Variants in RHBDD1 observed in about 807,000 individuals in gnomAD.
RHBDD1 encodes rhomboid-related protein 4.
A neutral mutation model predicts 36.3 loss-of-function variants in RHBDD1; 38 were observed. The observed-to-expected ratio is 1.05, with a 90% CI of 0.81 to 1.37. The LOEUF (loss-of-function observed/expected upper bound fraction) is 1.37, where lower values mean the gene tolerates loss of function less well. Ranked by LOEUF, RHBDD1 falls within the 40% of genes most tolerant of loss-of-function variation. The pLI is 0.00. For synonymous variants in RHBDD1, 151 were observed against 136.5 expected (o/e 1.11, Z -0.74); for missense variants, 393 against 377.6 (o/e 1.04, Z -0.34).
chr2:226,959,544 A>G (rs978820367), intron 8 of RHBDD1, among the ~76,000 whole-genome samples: 1 of 152,216 alleles, frequency 6.6e-6, no homozygotes, highest in African/African-American at 2.4e-5. Context: ...TTTACTCAGC[A>G]TAGCTACTTT....
At chr2:226,809,843 A>G in the RHBDD1 span, among the ~76,000 whole-genome samples, 1 of 152,220 alleles carries the variant, frequency 6.6e-6, no homozygotes, top group African/African-American at 2.4e-5. Context: ...ATGTAAGGTA[A>G]TTTACTGCAA....
At chr2:226,941,641 T>C (rs901766491) in intron 8 of RHBDD1, among the ~76,000 whole-genome samples, 1 of 152,228 alleles carries the variant, frequency 6.6e-6, no homozygotes, top group Non-Finnish European at 1.5e-5. Context: ...TTCTGGTCTT[T>C]TAGATGTTGT....
At position 226,944,557 on chromosome 2, in the gene RHBDD1, G is replaced by C. The variant is rs143790840; in HGVS notation, c.856+30206G>C. ...CTTTCTCTGCTGTTTGCAGTTACAC[G>C]AATAGACAACTACTTAACACTTAAA... On this transcript the variant is annotated intron_variant, in intron 8 of 8. Transcript: ENST00000392062. Among the ~76,000 whole-genome samples, 8 of 152,082 alleles carry C rather than the reference G, an allele frequency of 5.3e-5. No individual in the cohort carries two copies. The East Asian group carries it at 1.5e-3, about 29-fold the overall frequency.
At chr2:226,954,559 G>T (rs895077980) in intron 8 of RHBDD1, among the ~76,000 whole-genome samples, 2 of 151,890 alleles carry the variant, frequency 1.3e-5, no homozygotes, top group Non-Finnish European at 2.9e-5. Flanking sequence ...CTTTTCATCT[G>T]GTATTAAATA....
chr2:226,859,366 A>G (rs1943634280), intron 3 of RHBDD1, among the ~76,000 whole-genome samples: 1 of 152,190 alleles, frequency 6.6e-6, no homozygotes, highest in African/African-American at 2.4e-5. Flanking sequence ...TTTACATTGT[A>G]TTAGATATTA....
At chr2:226,811,621 G>T in the RHBDD1 span, among the ~76,000 whole-genome samples, 1 of 152,110 alleles carries the variant, frequency 6.6e-6, no homozygotes, top group African/African-American at 2.4e-5. Flanking sequence ...AATTGTTGCC[G>T]GACAATATTT....
At chr2:226,810,908 A>G in the RHBDD1 span, 1 of 152,190 alleles carries the variant, frequency 6.6e-6, no homozygotes, top group South Asian at 2.1e-4. Context: ...ACAATTTATT[A>G]TAGGTCAACT....
chr2:226,929,992 A>G (rs1949922891), intron 8 of RHBDD1, among the ~76,000 whole-genome samples: 1 of 151,930 alleles, frequency 6.6e-6, no homozygotes, highest in African/African-American at 2.4e-5. Context: ...ATAAAATACT[A>G]CTCAAATAAA....
chr2:226,822,931 G>C, the RHBDD1 span, among the ~76,000 whole-genome samples: 1 of 152,066 alleles, frequency 6.6e-6, no homozygotes, highest in Non-Finnish European at 1.5e-5. Context: ...TTTGAGATCA[G>C]CCTCGTCAAC....
At chr2:226,869,089 A>C in intron 5 of RHBDD1, 1 of 700,386 alleles carries the variant, frequency 1.4e-6, no homozygotes, top group Non-Finnish European at 1.8e-6. Context: ...CAGTGCGTTT[A>C]ATATTCTTAT....
chr2:226,866,833 A>G (rs935037063), intron 4 of RHBDD1, among the ~76,000 whole-genome samples: 5 of 152,210 alleles, frequency 3.3e-5, no homozygotes, highest in African/African-American at 1.2e-4. Context: ...AGAAAAATAC[A>G]TATTACTGGT....
At chr2:226,803,307 A>G in the RHBDD1 span, among the ~76,000 whole-genome samples, 15 of 147,780 alleles carry the variant, frequency 1.0e-4, no homozygotes, top group Middle Eastern at 6.8e-3. Flanking sequence ...TGATGACTAA[A>G]ATGTGTGTGT....
At chr2:226,857,525 CAA>C (rs1368976439) in intron 3 of RHBDD1, among the ~76,000 whole-genome samples, 5 of 151,956 alleles carry the variant, frequency 3.3e-5, no homozygotes, top group Admixed American at 6.6e-5. Flanking sequence ...AAAGTGGAAA[CAA>C]ATGTCCATCA....
the RHBDD1 span, among the ~76,000 whole-genome samples, chr2:226,819,410 T>G: frequency 6.6e-6 from 1 of 152,212 alleles, no homozygotes. Context: ...GAGGCTGTTG[T>G]TTTACAGAAA....
chr2:226,870,432 A>G (rs1282921614), intron 5 of RHBDD1, among the ~76,000 whole-genome samples: 2 of 152,048 alleles, frequency 1.3e-5, no homozygotes, highest in Admixed American at 1.3e-4. Flanking sequence ...TCCACTCCCT[A>G]CTTCCCTTTG....
At chr2:226,866,368 C>T (rs906179631) in intron 4 of RHBDD1, among the ~76,000 whole-genome samples, 2 of 152,186 alleles carry the variant, frequency 1.3e-5, no homozygotes, top group African/African-American at 4.8e-5. Context: ...CTGTGCCCGG[C>T]CTTGATTTTA....
At chr2:226,953,604 C>G (rs1439803999) in intron 8 of RHBDD1, among the ~76,000 whole-genome samples, 3 of 152,080 alleles carry the variant, frequency 2.0e-5, no homozygotes, top group African/African-American at 7.2e-5. Flanking sequence ...TTTGTTTTAA[C>G]TATAATATAC....
Position 226,867,801 on chromosome 2 carries a change from C to A in RHBDD1, c.566+483C>A, listed in dbSNP as rs976011240. 27 of 328,130 alleles carry A rather than the reference C, an allele frequency of 8.2e-5. 1 individual carries two copies. In the Admixed American group the frequency reaches 1.7e-3, roughly 21 times the overall value. The allele number at this position is 328,130 out of a possible 1,614,324, so 20.3% of individuals were successfully genotyped here. A position where few individuals can be genotyped will look rare whatever the true frequency, so the allele number is the denominator to read the frequency against. ...TGGCGTGATCTCAGCTCACTGCAACCTCCACCCCCTGGGTTCAAGCAATTC... is the reference window on the plus strand; with the variant it reads ...TGGCGTGATCTCAGCTCACTGCAACATCCACCCCCTGGGTTCAAGCAATTC... On this transcript the variant is annotated intron_variant, in intron 5 of 8. Coordinates refer to ENST00000392062, the MANE Select transcript of RHBDD1 (RefSeq NM_001167608.3).
chr2:226,869,459 T>C (rs13421567), intron 5 of RHBDD1, among the ~76,000 whole-genome samples: 36,437 of 152,136 alleles, frequency 0.24, 8,189 homozygotes, highest in African/African-American at 0.6. Context: ...TGTTATTTGC[T>C]TGATGGTTGT....
Sources: allele counts gnomAD v4.1 joint callset (sites outside exome capture counted in the v4.1 genomes callset), GRCh38; gene constraint gnomAD v4.1.1; transcripts MANE v1.5; gene names NCBI Gene and HGNC (gene_info 2026-07-23, HGNC 2026-07-21).